The following WWC1 variants were observed in gnomAD, a reference collection of about 807,000 sequenced individuals.
WWC1 encodes WW and C2 domain containing 1.
Under a neutral mutation model 138.4 loss-of-function variants are expected in WWC1, and 55 were observed. The ratio of observed to expected loss-of-function variants is 0.40; its 90% CI spans 0.32 to 0.50. The LOEUF is 0.50. Among genes scored for constraint, WWC1 ranks in the 20% least tolerant of loss-of-function variants. The pLI, the probability that WWC1 is intolerant of heterozygous loss-of-function variation, is 0.72. For missense variants in WWC1, 1,226 were observed against 1,420.4 expected (o/e 0.86, Z 2.20); for synonymous variants, 524 against 564.9 (o/e 0.93, Z 1.03).
Position 168,427,792 on chromosome 5 carries a change from A to G in WWC1, c.1811-241A>G, listed in dbSNP as rs577298395. The stretch of plus-strand genomic sequence containing the variant: ...AATATGGCAAAACCCCATCTCTACA[A>G]CAAAATAATAATTCAAAAATTAGCT... On this transcript the variant is annotated intron_variant, in intron 11 of 22. Coordinates refer to ENST00000265293, the MANE Select transcript of WWC1 (RefSeq NM_015238.3). Among the ~76,000 whole-genome samples, 5 of 151,934 alleles carry G rather than the reference A, an allele frequency of 3.3e-5. No homozygotes were observed. In the South Asian group the frequency reaches 1.0e-3, roughly 32 times the overall value.
Position 168,464,768 on chromosome 5 carries a change from C to G in WWC1, c.2956C>G (p.Arg986Gly), listed in dbSNP as rs769478892. The G allele has an allele frequency of 6.2e-7, 1 of 1,614,064 alleles. No homozygotes were observed. Among genetic ancestry groups the G allele is most frequent in the Non-Finnish European group, 8.5e-7 (1 of 1,180,048 alleles). Residue 986 changes from arginine to glycine, a missense_variant, in exon 21 of 23, where the codon CGT (arginine) becomes GGT (glycine). This residue lies in a region of WWC1 where 206 missense variants were observed against 247.4 expected (regional missense o/e 0.83). Transcript: ENST00000265293. ...VKSLRSERLI[R>G]TSLDLELDLQ... is the part of the protein sequence containing the mutation. ...GTCGCTGCGCTCCGAGCGTCTGATCCGTACCTCGCTGGACCTGGAGTTAGA... is the reference window on the plus strand; with the variant it reads ...GTCGCTGCGCTCCGAGCGTCTGATCGGTACCTCGCTGGACCTGGAGTTAGA...
At chr5:168,363,665 G>A (rs1474072998) in intron 1 of WWC1, among the ~76,000 whole-genome samples, 2 of 151,960 alleles carry the variant, frequency 1.3e-5, no homozygotes, top group Non-Finnish European at 2.9e-5. Flanking sequence ...CATGAAAATC[G>A]GGGTATAAAA....
At chr5:168,450,837 G>T (rs1316085720) in intron 17 of WWC1, among the ~76,000 whole-genome samples, 2 of 151,774 alleles carry the variant, frequency 1.3e-5, no homozygotes, top group African/African-American at 4.8e-5. Flanking sequence ...AATAACTTGG[G>T]CTTTATCATA....
chr5:168,428,857 C>G, intron 13 of WWC1, 70 bp downstream of exon 13: 2 of 1,553,648 alleles, frequency 1.3e-6, no homozygotes, highest in South Asian at 1.1e-5. Context: ...CACAGCGTTC[C>G]CCAGCATTTA....
intron 1 of WWC1, among the ~76,000 whole-genome samples, chr5:168,336,332 A>G (rs1444523421): frequency 2.6e-5 from 4 of 152,094 alleles, no homozygotes; most frequent in Non-Finnish European, 5.9e-5. Flanking sequence ...GCACCTTGGG[A>G]GGCCGAGGCG....
chr5:168,293,669 TG>T (rs1351089962), intron 1 of WWC1, among the ~76,000 whole-genome samples: 7 of 152,222 alleles, frequency 4.6e-5, no homozygotes, highest in South Asian at 4.2e-4. Flanking sequence ...GTTTGTCAGA[TG>T]GGGGAGCCCA....
At position 168,339,528 on chromosome 5, in the gene WWC1, C is replaced by T. The variant is rs77966904; in HGVS notation, c.120-31896C>T. Among the ~76,000 whole-genome samples, 1,427 of 152,286 alleles carry T rather than the reference C, an allele frequency of 9.4e-3. 13 individuals carry two copies. Among genetic ancestry groups the T allele is most frequent in the Middle Eastern group, 0.02 (6 of 294 alleles). ...CGGGCAAGGGTGGCTTTCCCTGGTTCTGCCGTTTACTAGCCCTGTCACCTT... is the reference window on the plus strand; with the variant it reads ...CGGGCAAGGGTGGCTTTCCCTGGTTTTGCCGTTTACTAGCCCTGTCACCTT... On this transcript the variant is annotated intron_variant, in intron 1 of 22. Transcript: ENST00000265293.
intron 2 of WWC1, among the ~76,000 whole-genome samples, chr5:168,382,081 A>G (rs1192142984): frequency 1.3e-5 from 2 of 152,212 alleles, no homozygotes; most frequent in Admixed American, 6.5e-5. Context: ...ATGTAGTAGC[A>G]AAAGAACTGA....
intron 1 of WWC1, among the ~76,000 whole-genome samples, chr5:168,339,843 T>TTCTTTCTTTTTCTTTTC (rs1207385109): frequency 2.8e-4 from 42 of 150,864 alleles, no homozygotes; most frequent in African/African-American, 8.8e-4. Flanking sequence ...TTTCTTTTCT[T>TTCTTTCTTTTTCTTTTC]TCTTTCTTTC....
intron 4 of WWC1, 95 bp downstream of exon 4, chr5:168,397,895 C>A: frequency 7.3e-7 from 1 of 1,374,008 alleles, no homozygotes; most frequent in Non-Finnish European, 1.0e-6. Context: ...GATGCTCCAG[C>A]CAGGCTATGA....
At chr5:168,406,088 G>C in intron 5 of WWC1, 110 bp from the exon 6 acceptor site, 1 of 1,360,948 alleles carries the variant, frequency 7.3e-7, no homozygotes, top group East Asian at 2.4e-5. Context: ...GCAGGACAGA[G>C]GGAGGGGCCT....
intron 3 of WWC1, among the ~76,000 whole-genome samples, chr5:168,387,274 T>G (rs547152189): frequency 6.6e-6 from 1 of 152,256 alleles, no homozygotes; most frequent in South Asian, 2.1e-4. Flanking sequence ...GCCATTGAAC[T>G]CTCCCCTAGT....
chr5:168,338,648 G>A (rs541226059), intron 1 of WWC1, among the ~76,000 whole-genome samples: 14 of 152,120 alleles, frequency 9.2e-5, no homozygotes, highest in Non-Finnish European at 2.9e-5. Flanking sequence ...CCCGGCCTCA[G>A]GTGTTCCACC....
At chr5:168,347,921 G>T (rs936122628) in intron 1 of WWC1, among the ~76,000 whole-genome samples, 1 of 152,240 alleles carries the variant, frequency 6.6e-6, no homozygotes, top group Non-Finnish European at 1.5e-5. Flanking sequence ...CTGGGAAGGA[G>T]AAGCAGATGG....
rs1035523042 is a variant in WWC1, at chr5:168,471,035, A to T, written c.*2018A>T. On this transcript the variant is annotated 3_prime_UTR_variant, in exon 23 of 23. Transcript: ENST00000265293. ...GGCAAAATGGTGAGGCCCGCATCCT[A>T]TTGGTGAGTCACACAGGGAACGCTG... is the stretch of plus-strand genomic sequence containing the variant. 3 of 152,242 alleles carry T rather than the reference A, an allele frequency of 2.0e-5. No individual in the cohort carries two copies. Among genetic ancestry groups the T allele is most frequent in the Non-Finnish European group, 4.4e-5 (3 of 68,132 alleles). 9.4% of individuals were successfully genotyped at this position (152,242 alleles called of 1,614,324 possible).
At chr5:168,460,250 T>A (rs1026694323) in intron 19 of WWC1, among the ~76,000 whole-genome samples, 1 of 152,200 alleles carries the variant, frequency 6.6e-6, no homozygotes, top group South Asian at 2.1e-4. Flanking sequence ...GAGGGCAGTA[T>A]ACTCTGAAGT....
At chr5:168,381,327 A>G (rs1421801941) in intron 2 of WWC1, among the ~76,000 whole-genome samples, 1 of 152,208 alleles carries the variant, frequency 6.6e-6, no homozygotes, top group Non-Finnish European at 1.5e-5. Context: ...AATCCAGAAC[A>G]CTGTGGGAGG....
chr5:168,438,003 T>C (rs913672969), intron 15 of WWC1, among the ~76,000 whole-genome samples: 1 of 152,208 alleles, frequency 6.6e-6, no homozygotes, highest in Admixed American at 6.5e-5. Context: ...TTTGTATATA[T>C]GTACATTTAT....
chr5:168,461,700 C>T (rs957278684), intron 20 of WWC1, among the ~76,000 whole-genome samples: 5 of 152,214 alleles, frequency 3.3e-5, no homozygotes, highest in Admixed American at 6.5e-5. Flanking sequence ...GCTTTCAACA[C>T]AACTTTAAAG....
Sources: allele counts gnomAD v4.1 joint callset (sites outside exome capture counted in the v4.1 genomes callset), GRCh38; gene constraint gnomAD v4.1.1; regional missense constraint gnomAD v4.1.1; transcripts MANE v1.5; gene names NCBI Gene and HGNC (gene_info 2026-07-23, HGNC 2026-07-21).